NRXN3: variants seen among roughly 807,000 people sequenced by gnomAD.
The protein encoded by NRXN3 is neurexin 3, also known as neurexin III.
Under a neutral mutation model 137.6 loss-of-function variants are expected in NRXN3, and 32 were observed. The ratio of observed to expected loss-of-function variants is 0.23; its 90% CI spans 0.18 to 0.31. The LOEUF (loss-of-function observed/expected upper bound fraction) is 0.31, where lower values mean the gene tolerates loss of function less well. NRXN3 is among the 10% of genes least tolerant of loss of function. The pLI is 1.00. For synonymous variants in NRXN3, 798 were observed against 784.5 expected (o/e 1.02, Z -0.29); for missense variants, 1,574 against 2,062.5 (o/e 0.76, Z 4.59).
chr14:79,732,983 A>G (rs2098929332), intron 19 of NRXN3, among the ~76,000 whole-genome samples: 1 of 152,210 alleles, frequency 6.6e-6, no homozygotes, highest in Non-Finnish European at 1.5e-5. Context: ...TCAGCAAGAT[A>G]AGCTGTTAAA....
chr14:78,524,512 G>A (rs1351436422), intron 4 of NRXN3, among the ~76,000 whole-genome samples: 1 of 152,190 alleles, frequency 6.6e-6, no homozygotes, highest in Non-Finnish European at 1.5e-5. Context: ...TGATTCCTAA[G>A]CTCCACCTAA....
intron 4 of NRXN3, among the ~76,000 whole-genome samples, chr14:78,641,957 G>GTTTTTTTTTA (rs2097639006): frequency 6.6e-6 from 1 of 152,110 alleles, no homozygotes; most frequent in African/African-American, 2.4e-5. Flanking sequence ...CATAAAAGAA[G>GTTTTTTTTTA]TGTTTTTGCT....
intron 1 of NRXN3, among the ~76,000 whole-genome samples, chr14:78,194,517 G>A (rs762442625): frequency 2.0e-5 from 3 of 152,152 alleles, no homozygotes; most frequent in Non-Finnish European, 2.9e-5. Flanking sequence ...TGAGGTCATT[G>A]CCACCTTGAC....
At chr14:78,813,278 A>T (rs967326526) in intron 10 of NRXN3, among the ~76,000 whole-genome samples, 1 of 152,218 alleles carries the variant, frequency 6.6e-6, no homozygotes, top group African/African-American at 2.4e-5. Flanking sequence ...ACATGATCCG[A>T]ACTTCTAAGC....
At chr14:78,652,383 C>T (rs574097101) in intron 6 of NRXN3, among the ~76,000 whole-genome samples, 2 of 152,316 alleles carry the variant, frequency 1.3e-5, no homozygotes, top group African/African-American at 4.8e-5. Flanking sequence ...TAAGTTCAAC[C>T]TCTAAGGTCA....
chr14:78,362,925 G>T (rs947618334), intron 4 of NRXN3, among the ~76,000 whole-genome samples: 1 of 152,212 alleles, frequency 6.6e-6, no homozygotes, highest in South Asian at 2.1e-4. Context: ...GGTTGCTTAG[G>T]CATGGCTTGA....
chr14:78,393,155 A>G (rs2090992115), intron 4 of NRXN3, among the ~76,000 whole-genome samples: 1 of 152,128 alleles, frequency 6.6e-6, no homozygotes, highest in Non-Finnish European at 1.5e-5. Flanking sequence ...ATTCCAAGGA[A>G]GAGGTCTAGC....
chr14:78,815,082 G>T (rs1030496206), intron 10 of NRXN3, among the ~76,000 whole-genome samples: 5 of 152,148 alleles, frequency 3.3e-5, no homozygotes, highest in Admixed American at 3.3e-4. Context: ...CATGGAAATT[G>T]TGAGTTTGTG....
chr14:78,683,002 C>T (rs754910867), intron 6 of NRXN3, among the ~76,000 whole-genome samples: 1 of 152,248 alleles, frequency 6.6e-6, no homozygotes, highest in Non-Finnish European at 1.5e-5. Context: ...CTGTTTAGTA[C>T]AGTAGCCACA....
chr14:78,835,964 A>G (rs777833985), intron 10 of NRXN3, among the ~76,000 whole-genome samples: 7 of 152,110 alleles, frequency 4.6e-5, no homozygotes, highest in Admixed American at 1.3e-4. Flanking sequence ...ACCTCTAATT[A>G]CAGGGTTTTT....
At chr14:78,695,677 T>C (rs898272786) in intron 6 of NRXN3, 2 of 152,000 alleles carry the variant, frequency 1.3e-5, no homozygotes, top group African/African-American at 4.8e-5. Context: ...TGTCTGGCTG[T>C]TGTGGGTAGA....
At chr14:79,523,026 C>T (rs1348256739) in intron 16 of NRXN3, among the ~76,000 whole-genome samples, 1 of 146,636 alleles carries the variant, frequency 6.8e-6, no homozygotes, top group Non-Finnish European at 1.5e-5. Context: ...TCTCTCTTTC[C>T]TAGCTGAATA....
At chr14:79,013,767 T>G (rs966159503) in intron 15 of NRXN3, among the ~76,000 whole-genome samples, 32 of 152,230 alleles carry the variant, frequency 2.1e-4, no homozygotes, top group African/African-American at 7.7e-4. Flanking sequence ...AATGTTGGTT[T>G]TCACACATTC....
intron 6 of NRXN3, among the ~76,000 whole-genome samples, chr14:78,691,149 C>G (rs1602496801): frequency 3.3e-5 from 5 of 152,156 alleles, no homozygotes; most frequent in Admixed American, 3.3e-4. Context: ...AGCTATTGCA[C>G]AGATATTGCA....
At chr14:79,098,322 G>T (rs1272713343) in intron 15 of NRXN3, among the ~76,000 whole-genome samples, 1 of 152,026 alleles carries the variant, frequency 6.6e-6, no homozygotes, top group Non-Finnish European at 1.5e-5. Context: ...ATGTTTTATT[G>T]CATATGCTTT....
chr14:79,272,188 G>A (rs573297494), intron 15 of NRXN3, among the ~76,000 whole-genome samples: 36 of 148,134 alleles, frequency 2.4e-4, no homozygotes, highest in African/African-American at 8.4e-4. Flanking sequence ...TATTTAAATG[G>A]ATTTGTGGCT....
At chr14:79,757,186 T>G (rs956646578) in intron 19 of NRXN3, among the ~76,000 whole-genome samples, 3 of 152,184 alleles carry the variant, frequency 2.0e-5, no homozygotes, top group African/African-American at 7.2e-5. Flanking sequence ...CAAATTAGTT[T>G]TCTTCAGGGG....
chr14:79,732,424 T>G (rs1422978663), intron 19 of NRXN3, among the ~76,000 whole-genome samples: 1 of 152,136 alleles, frequency 6.6e-6, no homozygotes, highest in East Asian at 1.9e-4. Context: ...ACAGAAGCGG[T>G]CCTATCTGGT....
At chr14:79,418,299 G>C (rs1193741986) in intron 15 of NRXN3, among the ~76,000 whole-genome samples, 1 of 152,056 alleles carries the variant, frequency 6.6e-6, no homozygotes, top group African/African-American at 2.4e-5. Context: ...TATTCTTTAA[G>C]TGTATTTTTG....
Sources: gnomAD v4.1 joint callset for allele counts (sites outside exome capture counted in the v4.1 genomes callset) on GRCh38, gnomAD v4.1.1 for gene constraint, MANE v1.5 for transcripts, NCBI Gene and HGNC (gene_info 2026-07-23, HGNC 2026-07-21) for gene names.